Variants in ROBO2 observed in about 807,000 individuals in gnomAD.
The protein encoded by ROBO2 is roundabout guidance receptor 2.
ROBO2 carries 53 observed loss-of-function variants against 160.8 expected under a neutral mutation model. That is an observed-to-expected ratio of 0.33 (90% CI 0.26 to 0.41). ROBO2 has a LOEUF of 0.41. Among genes scored for constraint, ROBO2 ranks in the 10% least tolerant of loss-of-function variants. ROBO2 has a pLI of 1.00. For synonymous variants in ROBO2, 664 were observed against 611.7 expected (o/e 1.09, Z -1.26); for missense variants, 1,577 against 1,722.4 (o/e 0.92, Z 1.49).
chr3:75,912,739 A>G (rs1392119325), intron 1 of ROBO2, among the ~76,000 whole-genome samples: 1 of 152,190 alleles, frequency 6.6e-6, no homozygotes, highest in African/African-American at 2.4e-5. Context: ...GTATAATCAT[A>G]TTGATTGGAT....
At chr3:76,448,700 T>C (rs2109238506) in intron 2 of ROBO2, among the ~76,000 whole-genome samples, 1 of 152,314 alleles carries the variant, frequency 6.6e-6, no homozygotes, top group Middle Eastern at 3.4e-3. Context: ...TAAAACTTCC[T>C]CTTAGCTAAG....
intron 2 of ROBO2, among the ~76,000 whole-genome samples, chr3:76,324,303 T>C (rs2072828550): frequency 6.6e-6 from 1 of 152,240 alleles, no homozygotes; most frequent in African/African-American, 2.4e-5. Context: ...TAATATGTGA[T>C]GCTCTTCTAG....
At chr3:75,913,071 G>C (rs140411146) in intron 1 of ROBO2, among the ~76,000 whole-genome samples, 2 of 152,162 alleles carry the variant, frequency 1.3e-5, no homozygotes, top group Non-Finnish European at 2.9e-5. Flanking sequence ...CCTTCTGGAG[G>C]TGCTGAGGGG....
At chr3:76,833,486 G>T (rs577083524) in intron 2 of ROBO2, among the ~76,000 whole-genome samples, 6 of 152,164 alleles carry the variant, frequency 3.9e-5, no homozygotes, top group Admixed American at 6.6e-5. Context: ...AAGACAAAAC[G>T]ATATGAGGAA....
chr3:77,484,608 G>A (rs901096378), intron 4 of ROBO2, among the ~76,000 whole-genome samples: 6 of 151,252 alleles, frequency 4.0e-5, no homozygotes, highest in Non-Finnish European at 7.4e-5. Context: ...CCATATTTCT[G>A]AATATGTGCT....
intron 2 of ROBO2, among the ~76,000 whole-genome samples, chr3:77,303,715 A>C (rs917960427): frequency 6.6e-6 from 1 of 152,058 alleles, no homozygotes; most frequent in Admixed American, 6.6e-5. Flanking sequence ...ATGTGTGTGT[A>C]TATATATACA....
chr3:76,302,885 T>C (rs1047234438), intron 2 of ROBO2, among the ~76,000 whole-genome samples: 2 of 152,152 alleles, frequency 1.3e-5, no homozygotes, highest in Non-Finnish European at 2.9e-5. Flanking sequence ...AACACTATAA[T>C]TTAGTGACTG....
chr3:76,148,013 C>A (rs1412913193), intron 2 of ROBO2, among the ~76,000 whole-genome samples: 2 of 151,906 alleles, frequency 1.3e-5, no homozygotes, highest in East Asian at 1.9e-4. Context: ...TAATAGGCAC[C>A]AAATACCTAT....
chr3:76,218,311 A>T (rs1703705519), intron 2 of ROBO2, among the ~76,000 whole-genome samples: 1 of 152,202 alleles, frequency 6.6e-6, no homozygotes, highest in Admixed American at 6.5e-5. Flanking sequence ...AGTTCTGGCC[A>T]GGTCAGTCAG....
At chr3:76,981,028 T>G (rs1237932627) in intron 2 of ROBO2, among the ~76,000 whole-genome samples, 1 of 152,254 alleles carries the variant, frequency 6.6e-6, no homozygotes, top group Non-Finnish European at 1.5e-5. Context: ...TTCATTCGTT[T>G]TCGTCGCCTA....
At chr3:77,470,363 A>T (rs534450403) in intron 2 of ROBO2, among the ~76,000 whole-genome samples, 2 of 152,334 alleles carry the variant, frequency 1.3e-5, no homozygotes, top group South Asian at 2.1e-4. Flanking sequence ...TTCAAGGAAG[A>T]TATAAGGACA....
chr3:76,914,264 T>C (rs2076176981), intron 2 of ROBO2, among the ~76,000 whole-genome samples: 1 of 152,164 alleles, frequency 6.6e-6, no homozygotes, highest in African/African-American at 2.4e-5. Context: ...ACCAAGGTTA[T>C]CAGCATTACA....
chr3:77,148,938 T>C (rs1051237717), intron 2 of ROBO2, among the ~76,000 whole-genome samples: 4 of 152,154 alleles, frequency 2.6e-5, no homozygotes, highest in Non-Finnish European at 5.9e-5. Flanking sequence ...GTTGGAGTTA[T>C]AATTACACAA....
intron 2 of ROBO2, among the ~76,000 whole-genome samples, chr3:77,112,507 G>C (rs147504643): frequency 0.023 from 3,494 of 152,092 alleles, 151 homozygotes; most frequent in African/African-American, 0.079. Context: ...GCCTCCCAAA[G>C]TGCTGGGATT....
chr3:77,226,952 T>G (rs1325106155), intron 2 of ROBO2, among the ~76,000 whole-genome samples: 1 of 152,194 alleles, frequency 6.6e-6, no homozygotes, highest in African/African-American at 2.4e-5. Context: ...AAGTAGTGGT[T>G]GCTGACCAAC....
At chr3:76,918,735 A>C (rs9819057) in intron 2 of ROBO2, among the ~76,000 whole-genome samples, 5,086 of 152,292 alleles carry the variant, frequency 0.033, 277 homozygotes, top group African/African-American at 0.12. Context: ...TCCAGTTCTA[A>C]ATATTTGAAT....
intron 2 of ROBO2, among the ~76,000 whole-genome samples, chr3:76,798,916 CA>C (rs869082012): frequency 2.1e-5 from 3 of 139,582 alleles, no homozygotes; most frequent in Non-Finnish European, 4.9e-5. Flanking sequence ...ACAACAACAA[CA>C]AACCCTGGAT....
At chr3:76,375,674 A>T (rs2076309166) in intron 2 of ROBO2, among the ~76,000 whole-genome samples, 1 of 152,020 alleles carries the variant, frequency 6.6e-6, no homozygotes. Context: ...AACATAGAAG[A>T]TAGATTAAAA....
At chr3:75,939,299 G>T (rs1287011051) in intron 2 of ROBO2, among the ~76,000 whole-genome samples, 2 of 152,082 alleles carry the variant, frequency 1.3e-5, no homozygotes, top group Non-Finnish European at 2.9e-5. Context: ...TCCAGTAATT[G>T]TGGCTTGTTT....
Sources: allele counts gnomAD v4.1 joint callset (sites outside exome capture counted in the v4.1 genomes callset), GRCh38; gene constraint gnomAD v4.1.1; transcripts MANE v1.5; gene names NCBI Gene and HGNC (gene_info 2026-07-23, HGNC 2026-07-21).